Variants in UBE2QL1 observed in about 807,000 individuals in gnomAD.
The protein encoded by UBE2QL1 is ubiquitin conjugating enzyme E2 QL1, also known as ubiquitin-conjugating enzyme E2Q-like protein 1.
In UBE2QL1, 5 loss-of-function variants were observed where a neutral mutation model predicts 12.6. That is an observed-to-expected ratio of 0.40 (90% confidence interval 0.21 to 0.83). The LOEUF is 0.83. UBE2QL1 is among the 40% of genes least tolerant of loss of function. The pLI is 0.37. For synonymous variants in UBE2QL1, 96 were observed against 94.5 expected (o/e 1.02, Z -0.10); for missense variants, 99 against 222.6 (o/e 0.44, Z 3.53).
intron 1 of UBE2QL1, among the ~76,000 whole-genome samples, chr5:6,474,867 G>C (rs1262279219): frequency 6.6e-6 from 1 of 152,132 alleles, no homozygotes; most frequent in East Asian, 1.9e-4. Flanking sequence ...GTCCCACCAG[G>C]TCACATCCCA....
At chr5:6,489,157 G>A (rs1442568521) in intron 1 of UBE2QL1, among the ~76,000 whole-genome samples, 1 of 152,066 alleles carries the variant, frequency 6.6e-6, no homozygotes. Context: ...GTGCATCGTG[G>A]CACATGCCTG....
intron 1 of UBE2QL1, among the ~76,000 whole-genome samples, chr5:6,450,165 C>T (rs905846): frequency 2.0e-5 from 3 of 150,826 alleles, no homozygotes; most frequent in African/African-American, 7.3e-5. Context: ...ACCACCACCT[C>T]TGGGGTAGAC....
rs1475890894 is a variant in UBE2QL1, at chr5:6,494,324, TGCC to T, written c.*2976_*2978del. On this transcript the variant is annotated 3_prime_UTR_variant, in exon 2 of 2. Transcript: ENST00000399816. ...CCCTAGTTACACACACACGCACATG[TGCC>T]AATACTCCTGCAAAGACTTGCTGTT... 3.9e-5 allele frequency: 6 copies of T among 152,176 alleles called. No homozygotes were observed. The East Asian group carries it at 9.6e-4, about 24-fold the overall frequency. The allele number at this position is 152,176 out of a possible 1,614,324, so 9.4% of individuals were successfully genotyped here.
chr5:6,477,402 GTCAGCCTGCTGACAGGTGCGCCCGGAGA>G (rs1734259160), intron 1 of UBE2QL1, among the ~76,000 whole-genome samples: 1 of 151,534 alleles, frequency 6.6e-6, no homozygotes, highest in African/African-American at 2.4e-5. Flanking sequence ...GTGCCCGGAG[GTCAGCCTGCTGACAGGTGCGCCCGGAGA>G]TCAGCCTGCT....
chr5:6,455,348 G>A (rs1739498339), intron 1 of UBE2QL1, among the ~76,000 whole-genome samples: 1 of 152,154 alleles, frequency 6.6e-6, no homozygotes. Context: ...GTCAGAGGCA[G>A]ATAAGACACC....
At chr5:6,461,552 CG>C (rs1739665673) in intron 1 of UBE2QL1, among the ~76,000 whole-genome samples, 1 of 126,364 alleles carries the variant, frequency 7.9e-6, no homozygotes, top group Non-Finnish European at 1.7e-5. Context: ...CACCCCCCCC[CG>C]CCGGCATATC....
In UBE2QL1 at chr5:6,479,504, A is replaced by G. The variant is rs964760512; in HGVS notation, c.355-11714A>G. Reference sequence around the variant, plus strand: ...GTGTGCCTTAATGGAGCCAAGTCCAAGGAGTAAAATGTTGAAGCAAATGAA... The same window carrying G: ...GTGTGCCTTAATGGAGCCAAGTCCAGGGAGTAAAATGTTGAAGCAAATGAA... On this transcript the variant is annotated intron_variant, in intron 1 of 1. Transcript: ENST00000399816. This position sits in a 1 kb window ranked among gnomAD's most constrained non-coding sequence, Gnocchi z 4.2. Among the ~76,000 whole-genome samples, 1 of 152,162 alleles carries G rather than the reference A, an allele frequency of 6.6e-6. No homozygotes were observed. Among genetic ancestry groups the G allele is most frequent in the Non-Finnish European group, 1.5e-5 (1 of 68,016 alleles).
chr5:6,475,907 G>T (rs1734217723), intron 1 of UBE2QL1, among the ~76,000 whole-genome samples: 1 of 152,182 alleles, frequency 6.6e-6, no homozygotes. Flanking sequence ...GGGCAGAAAC[G>T]CACAGGCTCT....
intron 1 of UBE2QL1, 74 bp from the exon 2 acceptor site, chr5:6,491,144 G>T: frequency 6.9e-7 from 1 of 1,444,622 alleles, no homozygotes; most frequent in Middle Eastern, 1.8e-4. Flanking sequence ...GACTCTGTGT[G>T]TTTTTAATAA....
At chr5:6,467,379 G>A (rs913663652) in intron 1 of UBE2QL1, among the ~76,000 whole-genome samples, 9 of 152,076 alleles carry the variant, frequency 5.9e-5, no homozygotes, top group African/African-American at 2.2e-4. Flanking sequence ...GGGCAGGGCT[G>A]GATCCCGAGG....
chr5:6,457,906 G>C (rs950466873), intron 1 of UBE2QL1, among the ~76,000 whole-genome samples: 1 of 152,210 alleles, frequency 6.6e-6, no homozygotes, highest in Admixed American at 6.5e-5. Context: ...AGGACGGATG[G>C]TGCATCCATC....
intron 1 of UBE2QL1, among the ~76,000 whole-genome samples, chr5:6,454,381 G>T (rs1207410858): frequency 6.6e-6 from 1 of 151,972 alleles, no homozygotes; most frequent in East Asian, 1.9e-4. Flanking sequence ...TCTCCTCTTC[G>T]TGTAAGAACA....
chr5:6,466,226 A>G (rs1472236333), intron 1 of UBE2QL1, among the ~76,000 whole-genome samples: 3 of 151,630 alleles, frequency 2.0e-5, no homozygotes, highest in Admixed American at 6.6e-5. Flanking sequence ...AACCAGGGTC[A>G]CCTCCAGTCC....
intron 1 of UBE2QL1, among the ~76,000 whole-genome samples, chr5:6,466,226 A>C (rs1472236333): frequency 6.6e-6 from 1 of 151,630 alleles, no homozygotes; most frequent in Non-Finnish European, 1.5e-5. Context: ...AACCAGGGTC[A>C]CCTCCAGTCC....
At chr5:6,487,681 C>T (rs1201963682) in intron 1 of UBE2QL1, among the ~76,000 whole-genome samples, 1 of 152,166 alleles carries the variant, frequency 6.6e-6, no homozygotes. Context: ...AAGAAAAACG[C>T]TGTTAATTGT....
chr5:6,467,460 GA>G (rs1346557650), intron 1 of UBE2QL1, among the ~76,000 whole-genome samples: 3 of 152,092 alleles, frequency 2.0e-5, no homozygotes, highest in Admixed American at 2.0e-4. Context: ...ACGTGTGTCT[GA>G]ATTTCCTCTT....
chr5:6,491,562 G>C lies in UBE2QL1; in HGVS notation c.*213G>C, dbSNP rs1734570902. On this transcript the variant is annotated 3_prime_UTR_variant, in exon 2 of 2. Coordinates refer to ENST00000399816, the MANE Select transcript of UBE2QL1 (RefSeq NM_001145161.3). ...TTCGGATTATGTTTCGATTATAAATGAATGATCACCTCGAAGTCACTTTAG... is the reference window on the plus strand; with the variant it reads ...TTCGGATTATGTTTCGATTATAAATCAATGATCACCTCGAAGTCACTTTAG... 3.9e-6 allele frequency: 2 copies of C among 518,558 alleles called. No individual in the cohort carries two copies. Among genetic ancestry groups the C allele is most frequent in the Non-Finnish European group, 3.0e-6 (1 of 329,130 alleles). 32.1% of individuals were successfully genotyped at this position (518,558 alleles called of 1,614,324 possible).
intron 1 of UBE2QL1, among the ~76,000 whole-genome samples, chr5:6,461,697 C>G (rs142543760): frequency 0.022 from 3,373 of 152,236 alleles, 55 homozygotes; most frequent in Non-Finnish European, 0.036. Context: ...AACAGACCTG[C>G]CCTACAGTGC....
chr5:6,474,969 C>T (rs1409821901), intron 1 of UBE2QL1, among the ~76,000 whole-genome samples: 4 of 152,172 alleles, frequency 2.6e-5, no homozygotes, highest in African/African-American at 7.2e-5. Context: ...AGTCTTTCCC[C>T]GATGATGACT....
Sources: allele counts gnomAD v4.1 joint callset (sites outside exome capture counted in the v4.1 genomes callset), GRCh38; gene constraint gnomAD v4.1.1; non-coding constraint Gnocchi (gnomAD v3.1); transcripts MANE v1.5; gene names NCBI Gene and HGNC (gene_info 2026-07-23, HGNC 2026-07-21).